Variants in SPATA13 observed in about 807,000 individuals in gnomAD.
SPATA13 encodes the protein spermatogenesis associated 13.
SPATA13 carries 50 observed loss-of-function variants against 104.0 expected under a neutral mutation model. The observed-to-expected ratio is 0.48, with a 90% CI of 0.38 to 0.61. The LOEUF (loss-of-function observed/expected upper bound fraction) is 0.61. Ranked by LOEUF, SPATA13 falls within the 20% of genes least tolerant of loss-of-function variation. The pLI is 0.00. For synonymous variants in SPATA13, 606 were observed against 667.5 expected, an observed-to-expected ratio of 0.91 and a Z score of 1.42; for missense variants, 1,524 against 1,690.6, an observed-to-expected ratio of 0.90 and a Z score of 1.73.
At chr13:24,277,940 T>A (rs1452295070) in intron 4 of SPATA13, among the ~76,000 whole-genome samples, 1 of 152,134 alleles carries the variant, frequency 6.6e-6, no homozygotes, top group African/African-American at 2.4e-5. Flanking sequence ...ACTTGAATTA[T>A]GGGACAGGAA....
At chr13:24,272,710 C>T (rs4770641) in intron 4 of SPATA13, 126,928 of 152,182 alleles carry the variant, frequency 0.83, 53,890 homozygotes, top group South Asian at 0.94. Flanking sequence ...ATAGCAGGAT[C>T]GCTTTGCTGG....
At chr13:24,269,210 G>A (rs967934451) in intron 4 of SPATA13, among the ~76,000 whole-genome samples, 3 of 152,216 alleles carry the variant, frequency 2.0e-5, no homozygotes, top group Middle Eastern at 3.4e-3. Context: ...TCCCCACTCC[G>A]CAGATGTGGA....
intron 3 of SPATA13, among the ~76,000 whole-genome samples, chr13:24,086,570 C>T (rs1052673898): frequency 2.0e-5 from 3 of 151,896 alleles, no homozygotes; most frequent in Non-Finnish European, 4.4e-5. Flanking sequence ...TGGGGACTGG[C>T]GAGAAGGTGG....
chr13:24,148,437 G>A (rs1053435652), intron 3 of SPATA13, among the ~76,000 whole-genome samples: 1 of 152,008 alleles, frequency 6.6e-6, no homozygotes, highest in African/African-American at 2.4e-5. Context: ...AAATAGGCTG[G>A]GGTATAACCC....
At chr13:24,097,179 G>C (rs934144668) in intron 3 of SPATA13, among the ~76,000 whole-genome samples, 2 of 152,196 alleles carry the variant, frequency 1.3e-5, no homozygotes, top group African/African-American at 4.8e-5. Context: ...GGGTGGCTGG[G>C]TGGGTGTGTG....
At chr13:24,206,425 A>C (rs1267240438) in intron 1 of SPATA13, among the ~76,000 whole-genome samples, 1 of 152,226 alleles carries the variant, frequency 6.6e-6, no homozygotes, top group Non-Finnish European at 1.5e-5. Context: ...GATGCTGGCC[A>C]GGTTGTAAAG....
At chr13:24,030,642 T>A (rs758850353) in intron 3 of SPATA13, among the ~76,000 whole-genome samples, 5 of 152,336 alleles carry the variant, frequency 3.3e-5, no homozygotes, top group Middle Eastern at 3.4e-3. Context: ...CAACAATCTC[T>A]TATTTCCCTG....
At chr13:24,167,085 G>A (rs1566129497) in intron 1 of SPATA13, among the ~76,000 whole-genome samples, 1 of 152,340 alleles carries the variant, frequency 6.6e-6, no homozygotes, top group South Asian at 2.1e-4. Flanking sequence ...TATGACCTAT[G>A]TGTTGAAATT....
intron 1 of SPATA13, among the ~76,000 whole-genome samples, chr13:24,192,362 G>A (rs991755293): frequency 1.3e-5 from 2 of 152,042 alleles, no homozygotes; most frequent in African/African-American, 4.8e-5. Context: ...TGAGGTGTTC[G>A]TCTCCTCCTC....
intron 1 of SPATA13, among the ~76,000 whole-genome samples, chr13:24,221,927 T>G (rs1009453858): frequency 6.6e-6 from 1 of 151,670 alleles, no homozygotes; most frequent in African/African-American, 2.4e-5. Flanking sequence ...ATTCTCCTGC[T>G]TCAGCCTCCC....
chr13:24,009,892 A>G (rs184886743), intron 2 of SPATA13, among the ~76,000 whole-genome samples: 3 of 152,320 alleles, frequency 2.0e-5, no homozygotes, highest in Admixed American at 2.0e-4. Context: ...TTTCAGGTTA[A>G]CTTTGGAATG....
intron 2 of SPATA13, among the ~76,000 whole-genome samples, chr13:24,230,094 G>A (rs1370072824): frequency 1.3e-5 from 2 of 152,122 alleles, no homozygotes; most frequent in Non-Finnish European, 2.9e-5. Context: ...CATGTGTGCA[G>A]AGATATTCTG....
chr13:24,302,714 A>G lies in SPATA13; in HGVS notation c.3775A>G (p.Lys1259Glu), dbSNP rs766192666. Residue 1259 changes from lysine (K) to glutamate (E), a missense_variant, in exon 13 of 13, where the codon AAG becomes GAG. Lys to Glu is a moderately conservative substitution (Grantham distance 56, BLOSUM62 1). Around this residue, in one of 2 missense-constraint regions of SPATA13, gnomAD observed 435 missense variants for 554.8 expected, o/e 0.78. Transcript: ENST00000382108. ...GCAGGTCTTTGGCCTGGCGGAACCC[A>G]AGAGGAAGTCCTCGCTCTTCTGGCA... Reference protein sequence around the residue: ...QQQVFGLAEPKRKSSLFWHTF... With the variant: ...QQQVFGLAEPERKSSLFWHTF... 6.2e-7 allele frequency: 1 copy of G among 1,614,100 alleles called. No homozygotes were observed. Among genetic ancestry groups the G allele is most frequent in the Non-Finnish European group, 8.5e-7 (1 of 1,180,044 alleles).
chr13:24,237,024 T>C (rs1241916518), intron 2 of SPATA13, among the ~76,000 whole-genome samples: 1 of 152,118 alleles, frequency 6.6e-6, no homozygotes, highest in Non-Finnish European at 1.5e-5. Flanking sequence ...ATAAAAAGTA[T>C]AGTGTGTACA....
chr13:24,240,043 G>A lies in SPATA13; in HGVS notation c.1654-9434G>A, dbSNP rs143882816. Among the ~76,000 whole-genome samples, 192 of 151,664 alleles carry A rather than the reference G, an allele frequency of 1.3e-3. 4 individuals are homozygous for A. The highest frequency in any genetic ancestry group is 4.5e-3 in the African/African-American group (184 of 41,092). The stretch of plus-strand genomic sequence containing the variant: ...CCTACGACCGGGTGTGGTGGCTCAC[G>A]CCTGTAATCTCAGCATTTTGGGAGT... On this transcript the variant is annotated intron_variant, in intron 2 of 12. Transcript: ENST00000382108.
intron 3 of SPATA13, among the ~76,000 whole-genome samples, chr13:24,098,646 G>A (rs1880158373): frequency 1.3e-5 from 2 of 150,802 alleles, no homozygotes; most frequent in South Asian, 4.2e-4. Context: ...AAAAAAGAAA[G>A]GGCCGGATGT....
At chr13:24,232,537 A>C (rs4770633) in intron 2 of SPATA13, among the ~76,000 whole-genome samples, 2 of 152,098 alleles carry the variant, frequency 1.3e-5, no homozygotes, top group Non-Finnish European at 2.9e-5. Flanking sequence ...TGTCTTTTAA[A>C]TTTTTTAATA....
rs114507723 is a variant in SPATA13 at position 24,042,045 on chromosome 13, C to T, written c.-112+24344C>T. On this transcript the variant is annotated intron_variant, in intron 3 of 14. Transcript: ENST00000424834. ...TTTGTGTGGGGCACAGAGGCAGCCA[C>T]GTGTGTCACATTTCAAGGCAGGTGG... Among the ~76,000 whole-genome samples the T allele has an allele frequency of 2.7e-3, 418 of 152,314 alleles. 1 individual carries two copies. Among genetic ancestry groups the T allele is most frequent in the African/African-American group, 9.7e-3 (405 of 41,580 alleles).
intron 3 of SPATA13, among the ~76,000 whole-genome samples, chr13:24,026,537 G>T (rs1877222452): frequency 6.6e-6 from 1 of 152,172 alleles, no homozygotes; most frequent in Non-Finnish European, 1.5e-5. Context: ...AAAATTGTAT[G>T]TAGGAATTGG....
Sources: allele counts gnomAD v4.1 joint callset (sites outside exome capture counted in the v4.1 genomes callset), GRCh38; gene constraint gnomAD v4.1.1; regional missense constraint gnomAD v4.1.1; transcripts MANE v1.5; gene names NCBI Gene and HGNC (gene_info 2026-07-23, HGNC 2026-07-21).